The following NFKBID variants were observed in gnomAD, a reference collection of about 807,000 sequenced individuals.
The protein encoded by NFKBID is NF-kappa-B inhibitor delta.
NFKBID carries 26 observed loss-of-function variants against 53.4 expected under a neutral mutation model. The ratio of observed to expected loss-of-function variants is 0.49; its 90% CI spans 0.36 to 0.68. The LOEUF (loss-of-function observed/expected upper bound fraction) is 0.68. NFKBID is among the 30% of genes least tolerant of loss of function. The pLI is 0.00. For missense variants in NFKBID, 493 were observed against 614.1 expected (o/e 0.80, Z 2.08); for synonymous variants, 262 against 259.8 (o/e 1.01, Z -0.08).
At chr19:35,893,454 A>G (rs1974918000) in intron 9 of NFKBID, among the ~76,000 whole-genome samples, 1 of 152,174 alleles carries the variant, frequency 6.6e-6, no homozygotes, top group South Asian at 2.1e-4. Flanking sequence ...TAATTCTGCT[A>G]AACACCATTA....
intron 11 of NFKBID, 39 bp downstream of exon 11, chr19:35,889,851 T>C: frequency 1.3e-6 from 2 of 1,566,654 alleles, no homozygotes; most frequent in Non-Finnish European, 1.7e-6. Context: ...GCCCGCGAGC[T>C]CAGAGGCCAC....
intron 9 of NFKBID, among the ~76,000 whole-genome samples, chr19:35,894,461 C>A (rs1974991943): frequency 6.6e-6 from 1 of 151,708 alleles, no homozygotes; most frequent in African/African-American, 2.4e-5. Context: ...AATCCCAGCA[C>A]TTTCAGAGGC....
chr19:35,902,254 G>C (rs916019751), upstream of NFKBID: 3 of 703,988 alleles, frequency 4.3e-6, no homozygotes, highest in Admixed American at 2.0e-5. Context: ...AGGCTTGGCT[G>C]TCTAGGATCC....
chr19:35,892,899 C>T (rs1974870514), intron 9 of NFKBID, among the ~76,000 whole-genome samples: 1 of 152,228 alleles, frequency 6.6e-6, no homozygotes, highest in African/African-American at 2.4e-5. Context: ...GGCACAGCAG[C>T]TCACGCCTGT....
downstream of NFKBID, chr19:35,888,203 C>G (rs989027213): frequency 2.0e-5 from 5 of 252,872 alleles, no homozygotes; most frequent in African/African-American, 4.6e-5. Flanking sequence ...CCCCAAGCAC[C>G]ACGTAGGGGG....
chr19:35,890,960 C>T (rs1181644808), intron 9 of NFKBID, among the ~76,000 whole-genome samples: 1 of 152,068 alleles, frequency 6.6e-6, no homozygotes, highest in African/African-American at 2.4e-5. Flanking sequence ...CGCACAACAC[C>T]ACGTCTCAGG....
At chr19:35,898,373 T>C (rs910202008) in intron 3 of NFKBID, 99 bp downstream of exon 3, 2 of 730,968 alleles carry the variant, frequency 2.7e-6, no homozygotes, top group African/African-American at 1.9e-5. Context: ...AAGGGAAGAA[T>C]GAGGGCCTGA....
chr19:35,894,128 G>C (rs756413202), intron 9 of NFKBID, among the ~76,000 whole-genome samples: 4 of 151,780 alleles, frequency 2.6e-5, no homozygotes, highest in Non-Finnish European at 4.4e-5. Flanking sequence ...GCGTGGTGGT[G>C]CATGCCTGTA....
At chr19:35,898,422 G>C (rs1366622839) in intron 3 of NFKBID, 50 bp downstream of exon 3, 16 of 1,188,502 alleles carry the variant, frequency 1.3e-5, no homozygotes, top group Admixed American at 4.4e-5. Context: ...TGCGATGTCT[G>C]AGTCCCTTAG....
Position 35,898,823 on chromosome 19 carries a change from C to T in NFKBID, c.62-1G>A, listed in dbSNP as rs1197349287. 9.1e-6 allele frequency: 14 copies of T among 1,535,354 alleles called. No homozygotes were observed. The highest frequency in any genetic ancestry group is 1.1e-5 in the Non-Finnish European group (13 of 1,146,204). The stretch of plus-strand genomic sequence containing the variant: ...CAGTGGCTGCGCTCACCCCTGCTCA[C>T]TGTGCGGGAGAGGAGAGGGGGAAGT... On this transcript the variant is annotated splice_acceptor_variant, in intron 1 of 11. Coordinates refer to ENST00000641389, the Ensembl canonical transcript of NFKBID. LOFTEE classifies it high-confidence loss of function.
chr19:35,890,115 T>C (rs1478097630), intron 10 of NFKBID, 61 bp from the exon 11 acceptor site: 2 of 1,487,124 alleles, frequency 1.3e-6, no homozygotes, highest in African/African-American at 2.8e-5. Context: ...GCCTCTAAAC[T>C]GCACTTCAAT....
chr19:35,897,247 C>T (rs2146962856), intron 4 of NFKBID, 189 bp from the exon 5 acceptor site: 2 of 588,952 alleles, frequency 3.4e-6, no homozygotes, highest in South Asian at 2.6e-5. Flanking sequence ...TTTTGCCCAC[C>T]TGGAAAAGGG....
At position 35,896,880 on chromosome 19, in the gene NFKBID, G is replaced by A; in HGVS notation, c.578+33C>T. The A allele has an allele frequency of 6.2e-7, 1 of 1,613,902 alleles. No individual in the cohort carries two copies. Among genetic ancestry groups the A allele is most frequent in the Admixed American group, 1.7e-5 (1 of 59,994 alleles). ...GTGAGAACAGCCCCCACCAAGCCAA[G>A]AGTCTGCAGACAACCCTATCCCTTA... On this transcript the variant is annotated intron_variant, in intron 5 of 11. Transcript: ENST00000641389. This position sits in a 1 kb window ranked among gnomAD's most constrained non-coding sequence, Gnocchi z 5.7.
rs1975129977 is a variant in NFKBID, at chr19:35,896,165, C to T, written c.884-37G>A. The T allele has an allele frequency of 6.2e-7, 1 of 1,613,774 alleles. No homozygotes were observed. Among genetic ancestry groups the T allele is most frequent in the Non-Finnish European group, 8.5e-7 (1 of 1,179,752 alleles). ...AGACAGTGAGGGACCCGCATCTGCA[C>T]CCACCTCGCCCAGCCACACCAACCA... is the stretch of plus-strand genomic sequence containing the variant. On this transcript the variant is annotated intron_variant, in intron 8 of 11. Transcript: ENST00000641389. This position sits in a 1 kb window ranked among gnomAD's most constrained non-coding sequence, Gnocchi z 5.7.
chr19:35,892,132 C>T (rs1279353641), intron 9 of NFKBID, among the ~76,000 whole-genome samples: 14 of 151,790 alleles, frequency 9.2e-5, no homozygotes, highest in Admixed American at 9.2e-4. Context: ...CTCACTGCAG[C>T]CTTGACCTCC....
exon 12 of NFKBID, chr19:35,888,444 C>T (rs1974532008): frequency 3.8e-6 from 3 of 788,614 alleles, no homozygotes; most frequent in Admixed American, 2.2e-5. Context: ...TAATGTAAAA[C>T]CCCAATGGCA....
chr19:35,893,044 C>T lies in NFKBID; in HGVS notation c.1033-2554G>A, dbSNP rs186613440. 1.1e-4 allele frequency among the ~76,000 whole-genome samples: 17 copies of T among 152,278 alleles called. No individual in the cohort carries two copies. The East Asian group carries it at 3.3e-3, about 29-fold the overall frequency. On this transcript the variant is annotated intron_variant, in intron 9 of 11. Coordinates refer to ENST00000641389, the Ensembl canonical transcript of NFKBID. ...ATTAGCCGGGTGAGGTGGCTCATGC[C>T]TGTAGTCCCAGCTACTTAGGAGGCT... is the stretch of plus-strand genomic sequence containing the variant.
chr19:35,896,721 C>A lies in NFKBID; in HGVS notation c.684+5G>T. ...ACCCAGGAGAGTTCAGGCCCCAAGC[C>A]TCACCTTGCCCTTATGCTCACGAAT... On this transcript the variant is annotated splice_donor_5th_base_variant and intron_variant, in intron 6 of 11. Transcript: ENST00000641389. This position sits in a 1 kb window ranked among gnomAD's most constrained non-coding sequence, Gnocchi z 5.7. The A allele has an allele frequency of 6.2e-7, 1 of 1,613,352 alleles. No homozygotes were observed. The highest frequency in any genetic ancestry group is 8.5e-7 in the Non-Finnish European group (1 of 1,179,480).
At chr19:35,900,719 T>C (rs1015327573), upstream of NFKBID, 17 of 1,085,624 alleles carry the variant, frequency 1.6e-5, no homozygotes, top group South Asian at 3.4e-4. Flanking sequence ...AGGAGGGAGC[T>C]GGGGTCCAGA....
Sources: gnomAD v4.1 joint callset for allele counts (sites outside exome capture counted in the v4.1 genomes callset) on GRCh38, gnomAD v4.1.1 for gene constraint, Gnocchi (gnomAD v3.1) non-coding constraint, MANE v1.5 for transcripts, NCBI Gene and HGNC (gene_info 2026-07-23, HGNC 2026-07-21) for gene names.